ARHGAP24: variants seen among roughly 807,000 people sequenced by gnomAD.
ARHGAP24 encodes rho GTPase-activating protein 24.
A neutral mutation model predicts 76.4 loss-of-function variants in ARHGAP24; 50 were observed. The observed-to-expected ratio is 0.65, with a 90% CI of 0.52 to 0.83. The LOEUF is 0.83. Among genes scored for constraint, ARHGAP24 ranks in the 40% least tolerant of loss-of-function variants. The probability of loss-of-function intolerance (pLI) is 0.00; values close to 1 mark genes in which losing one functional copy is unlikely to be tolerated. For synonymous variants in ARHGAP24, 345 were observed against 323.3 expected (o/e 1.07, Z -0.72); for missense variants, 930 against 914.2 (o/e 1.02, Z -0.22).
intron 3 of ARHGAP24, among the ~76,000 whole-genome samples, chr4:85,788,372 C>T (rs1166241954): frequency 2.0e-5 from 3 of 152,142 alleles, no homozygotes; most frequent in African/African-American, 7.2e-5. Flanking sequence ...TAAACTTAAA[C>T]CAATCATTTT....
rs540434433 is a variant in ARHGAP24, at chr4:85,503,289, A to G, written c.-21+27730A>G. Among the ~76,000 whole-genome samples the G allele has an allele frequency of 5.9e-5, 9 of 152,334 alleles. No individual in the cohort carries two copies. The South Asian group carries it at 1.7e-3, about 28-fold the overall frequency. The stretch of plus-strand genomic sequence containing the variant: ...ATTGATTGGAATAGTTTCAGAAGGA[A>G]TGGTACCAGCTCCTCTTTGTACCTC... On this transcript the variant is annotated intron_variant, in intron 1 of 9. Coordinates refer to ENST00000395184, the MANE Select transcript of ARHGAP24 (RefSeq NM_001025616.3).
chr4:85,683,119 G>GGGC lies in ARHGAP24; in HGVS notation c.181-38764_181-38763insCGG, dbSNP rs1553922585. On this transcript the variant is annotated intron_variant, in intron 2 of 9. Coordinates refer to ENST00000395184, the MANE Select transcript of ARHGAP24 (RefSeq NM_001025616.3). Reference sequence around the variant, plus strand: ...AACTCTCTCAGTGTGTGGGGGGGTGGGGGGGGGGTGCGGGGGCTGTAAAAA... The same window carrying GGGC: ...AACTCTCTCAGTGTGTGGGGGGGTGGGGCGGGGGGGGTGCGGGGGCTGTAAAAA... Among the ~76,000 whole-genome samples the GGGC allele has an allele frequency of 7.9e-4, 63 of 80,096 alleles. 1 individual carries two copies. The highest frequency in any genetic ancestry group is 3.1e-3 in the African/African-American group (61 of 19,540). The allele number at this position is 80,096 out of a possible 152,430, so 52.5% of individuals were successfully genotyped here.
intron 1 of ARHGAP24, among the ~76,000 whole-genome samples, chr4:85,539,106 A>G (rs17010389): frequency 0.11 from 17,285 of 152,158 alleles, 3,154 homozygotes; most frequent in African/African-American, 0.38. Flanking sequence ...GCTCCTGAAT[A>G]TAAAGCTTTG....
At chr4:85,623,254 A>T (rs997407261) in intron 2 of ARHGAP24, among the ~76,000 whole-genome samples, 2 of 152,134 alleles carry the variant, frequency 1.3e-5, no homozygotes, top group Admixed American at 1.3e-4. Flanking sequence ...TCTTTAATCC[A>T]TCTTGAATTA....
At chr4:85,781,576 A>T (rs1441758576) in intron 3 of ARHGAP24, among the ~76,000 whole-genome samples, 1 of 152,038 alleles carries the variant, frequency 6.6e-6, no homozygotes, top group East Asian at 1.9e-4. Flanking sequence ...TTAATTTTTA[A>T]AAAAATACAA....
At chr4:85,860,496 A>G (rs1227060706) in intron 3 of ARHGAP24, among the ~76,000 whole-genome samples, 1 of 152,126 alleles carries the variant, frequency 6.6e-6, no homozygotes, top group Non-Finnish European at 1.5e-5. Context: ...GTCTGGAAGA[A>G]CAAGAGGCTT....
chr4:85,766,681 G>T (rs114195214), intron 3 of ARHGAP24, among the ~76,000 whole-genome samples: 1 of 152,054 alleles, frequency 6.6e-6, no homozygotes, highest in African/African-American at 2.4e-5. Flanking sequence ...TGAGGTGAAA[G>T]CATAAATAGG....
At chr4:85,716,830 G>T (rs1226722729) in intron 2 of ARHGAP24, among the ~76,000 whole-genome samples, 1 of 152,098 alleles carries the variant, frequency 6.6e-6, no homozygotes, top group Non-Finnish European at 1.5e-5. Flanking sequence ...GGAATTTGGG[G>T]AAGCCGGTGA....
intron 3 of ARHGAP24, among the ~76,000 whole-genome samples, chr4:85,778,008 T>G (rs1157298188): frequency 6.6e-6 from 1 of 152,070 alleles, no homozygotes; most frequent in Non-Finnish European, 1.5e-5. Flanking sequence ...AGATTGAAAG[T>G]GGGGATTTGT....
At chr4:85,753,858 A>G (rs916557107) in intron 3 of ARHGAP24, among the ~76,000 whole-genome samples, 2 of 152,192 alleles carry the variant, frequency 1.3e-5, no homozygotes, top group Non-Finnish European at 2.9e-5. Flanking sequence ...AAATCAGGGA[A>G]ATCAGGAGAG....
intron 3 of ARHGAP24, among the ~76,000 whole-genome samples, chr4:85,783,719 T>TCTTTG (rs1371360123): frequency 1.3e-5 from 2 of 152,184 alleles, no homozygotes; most frequent in African/African-American, 2.4e-5. Flanking sequence ...CACGATTCCA[T>TCTTTG]GCCAGACTTT....
chr4:85,550,616 T>C (rs1726094520), intron 1 of ARHGAP24, among the ~76,000 whole-genome samples: 1 of 152,214 alleles, frequency 6.6e-6, no homozygotes, highest in Admixed American at 6.5e-5. Context: ...AGGAATAGCA[T>C]TGAATCTGTA....
At chr4:85,950,635 TCTTTTTCTTTTA>T (rs1311750031) in intron 5 of ARHGAP24, among the ~76,000 whole-genome samples, 1 of 151,798 alleles carries the variant, frequency 6.6e-6, no homozygotes, top group Admixed American at 6.6e-5. Context: ...TTTTTCTTTT[TCTTTTTCTTTTA>T]CTTTTATTTT....
intron 9 of ARHGAP24, among the ~76,000 whole-genome samples, chr4:85,995,896 T>C (rs1560775469): frequency 6.6e-6 from 1 of 152,166 alleles, no homozygotes; most frequent in Non-Finnish European, 1.5e-5. Context: ...TAAGAAGTGA[T>C]TGAACATTTC....
intron 2 of ARHGAP24, among the ~76,000 whole-genome samples, chr4:85,684,281 T>C (rs1723340070): frequency 6.6e-6 from 1 of 152,230 alleles, no homozygotes; most frequent in Non-Finnish European, 1.5e-5. Flanking sequence ...TTTTTTAAAT[T>C]ACTATTTTTA....
chr4:85,664,956 G>A (rs995369317), intron 2 of ARHGAP24, among the ~76,000 whole-genome samples: 1 of 152,024 alleles, frequency 6.6e-6, no homozygotes, highest in Non-Finnish European at 1.5e-5. Flanking sequence ...TTTGGAATAG[G>A]TGTGGTATGG....
intron 1 of ARHGAP24, among the ~76,000 whole-genome samples, chr4:85,515,662 G>A (rs988296183): frequency 1.3e-5 from 2 of 151,888 alleles, no homozygotes; most frequent in Non-Finnish European, 2.9e-5. Flanking sequence ...CTTGTGTGGT[G>A]TATCCTAGTT....
intron 3 of ARHGAP24, among the ~76,000 whole-genome samples, chr4:85,884,610 T>G (rs1409384317): frequency 6.6e-6 from 1 of 152,168 alleles, no homozygotes; most frequent in African/African-American, 2.4e-5. Context: ...GTCTATAAAC[T>G]AATCTCCATG....
intron 1 of ARHGAP24, among the ~76,000 whole-genome samples, chr4:85,483,567 G>A (rs570992452): frequency 1.3e-3 from 198 of 152,116 alleles, no homozygotes; most frequent in African/African-American, 4.5e-3. Context: ...AGCCGAGATG[G>A]CGCCACTGCA....
Sources: gnomAD v4.1 joint callset for allele counts (sites outside exome capture counted in the v4.1 genomes callset) on GRCh38, gnomAD v4.1.1 for gene constraint, MANE v1.5 for transcripts, NCBI Gene and HGNC (gene_info 2026-07-23, HGNC 2026-07-21) for gene names.